The following TMEM50B variants were observed in gnomAD, a reference collection of about 807,000 sequenced individuals.
TMEM50B encodes the protein HCV p7-trans-regulated protein 3.
A neutral mutation model predicts 23.4 loss-of-function variants in TMEM50B; 14 were observed. The observed-to-expected ratio is 0.60, with a 90% CI of 0.39 to 0.93. TMEM50B has a LOEUF of 0.93. Among genes scored for constraint, TMEM50B ranks in the 40% least tolerant of loss-of-function variants. The pLI, the probability that TMEM50B is intolerant of heterozygous loss-of-function variation, is 0.00. For synonymous variants in TMEM50B, 64 were observed against 62.3 expected (o/e 1.03, Z -0.13); for missense variants, 159 against 193.0 (o/e 0.82, Z 1.04).
intron 8 of TMEM50B, among the ~76,000 whole-genome samples, chr21:33,434,973 T>A (rs1018783340): frequency 6.6e-6 from 1 of 152,082 alleles, no homozygotes; most frequent in African/African-American, 2.4e-5. Context: ...CCGCCAAAGG[T>A]CTCTGAGTTA....
At chr21:33,474,420 A>G (rs995650461) in intron 1 of TMEM50B, among the ~76,000 whole-genome samples, 1 of 151,520 alleles carries the variant, frequency 6.6e-6, no homozygotes, top group African/African-American at 2.4e-5. Flanking sequence ...AACCTGCGCT[A>G]AGAAAGAAAT....
intron 8 of TMEM50B, chr21:33,436,992 C>T: frequency 2.5e-6 from 4 of 1,612,726 alleles, no homozygotes; most frequent in Non-Finnish European, 3.4e-6. Flanking sequence ...CCACTGGCTC[C>T]CTGGAAGAGA....
At chr21:33,479,096 G>A in intron 1 of TMEM50B, 1 of 281,146 alleles carries the variant, frequency 3.6e-6, no homozygotes, top group Non-Finnish European at 7.1e-6. Context: ...GTTTTGAAAG[G>A]TCACGTATTT....
intron 5 of TMEM50B, among the ~76,000 whole-genome samples, chr21:33,459,753 T>C (rs2084201539): frequency 6.6e-6 from 1 of 151,972 alleles, no homozygotes; most frequent in Non-Finnish European, 1.5e-5. Context: ...ATCCATAGAT[T>C]ATCAGATAAG....
At chr21:33,467,482 G>A (rs2123448236) in intron 2 of TMEM50B, among the ~76,000 whole-genome samples, 1 of 152,304 alleles carries the variant, frequency 6.6e-6, no homozygotes, top group East Asian at 1.9e-4. Context: ...AAATTAGCTG[G>A]GCATGGTGGC....
chr21:33,452,135 T>C (rs534831613), intron 6 of TMEM50B, among the ~76,000 whole-genome samples: 1 of 152,368 alleles, frequency 6.6e-6, no homozygotes, highest in East Asian at 1.9e-4. Flanking sequence ...GAACTTAATC[T>C]CTAAAGACTG....
Position 33,450,348 on chromosome 21 carries a change from C to A in TMEM50B, c.*470G>T, listed in dbSNP as rs1267975910. On this transcript the variant is annotated 3_prime_UTR_variant, in exon 7 of 7. Coordinates refer to ENST00000542230, the MANE Select transcript of TMEM50B (RefSeq NM_006134.7). ...AGGTAGTTGGGATTACAGGCACCCA[C>A]CACCATGCCTGGCTAATTTTTGTAT... 2.6e-5 allele frequency: 4 copies of A among 152,554 alleles called. No individual in the cohort carries two copies. The highest frequency in any genetic ancestry group is 5.9e-5 in the Non-Finnish European group (4 of 68,320). The allele number at this position is 152,554 out of a possible 1,614,324, so 9.5% of individuals were successfully genotyped here. A position where few individuals can be genotyped will look rare whatever the true frequency, so the allele number is the denominator to read the frequency against.
rs958421832 is a variant in TMEM50B at position 33,449,369 on chromosome 21, T to C, written c.*1449A>G. The C allele has an allele frequency of 6.6e-6, 1 of 152,572 alleles. No individual in the cohort carries two copies. The highest frequency in any genetic ancestry group is 1.5e-5 in the Non-Finnish European group (1 of 68,042). The allele number at this position is 152,572 out of a possible 1,614,324, so 9.5% of individuals were successfully genotyped here. A position where few individuals can be genotyped will look rare whatever the true frequency, so the allele number is the denominator to read the frequency against. Reference sequence around the variant, plus strand: ...GAGAGAGGAGAGGAGTGATGCCAAATGGGCTTACATTAGAGCCGTGGACAC... The same window carrying C: ...GAGAGAGGAGAGGAGTGATGCCAAACGGGCTTACATTAGAGCCGTGGACAC... On this transcript the variant is annotated 3_prime_UTR_variant, in exon 7 of 7. Coordinates refer to ENST00000542230, the MANE Select transcript of TMEM50B (RefSeq NM_006134.7).
At chr21:33,476,025 G>A (rs1349070874) in intron 1 of TMEM50B, among the ~76,000 whole-genome samples, 8 of 152,190 alleles carry the variant, frequency 5.3e-5, no homozygotes, top group Non-Finnish European at 7.3e-5. Flanking sequence ...ACACCACTTC[G>A]TGGTAAGAAG....
At chr21:33,440,162 C>T (rs1483329891) in intron 7 of TMEM50B, among the ~76,000 whole-genome samples, 1 of 152,240 alleles carries the variant, frequency 6.6e-6, no homozygotes, top group Non-Finnish European at 1.5e-5. Flanking sequence ...AGCCCATTCC[C>T]TGTTTTTGTA....
intron 7 of TMEM50B, among the ~76,000 whole-genome samples, chr21:33,441,125 G>T (rs1393143083): frequency 6.6e-6 from 1 of 151,994 alleles, no homozygotes; most frequent in Non-Finnish European, 1.5e-5. Context: ...AGCTATTCAG[G>T]AGGCTGAGGC....
At chr21:33,447,449 C>T (rs2084072710), downstream of TMEM50B, among the ~76,000 whole-genome samples, 2 of 152,018 alleles carry the variant, frequency 1.3e-5, no homozygotes, top group African/African-American at 2.4e-5. Context: ...GTAAAAAGGA[C>T]TCCATAAAAA....
intron 7 of TMEM50B, among the ~76,000 whole-genome samples, chr21:33,443,898 T>TG (rs11404075): frequency 0.54 from 73,291 of 136,040 alleles, 20,594 homozygotes; most frequent in East Asian, 0.82. Context: ...TGTGGTTTTT[T>TG]TTTGTTTGTT....
Position 33,450,158 on chromosome 21 carries a change from C to T in TMEM50B, c.*660G>A, listed in dbSNP as rs1321614413. ...CAGTGCTCATTCTAGATATATGAAG[C>T]TATATTTTTTTGTACATCTTCAGAA... is the stretch of plus-strand genomic sequence containing the variant. On this transcript the variant is annotated 3_prime_UTR_variant, in exon 7 of 7. Transcript: ENST00000542230. 1 of 151,136 alleles carries T rather than the reference C, an allele frequency of 6.6e-6. No homozygotes were observed. Among genetic ancestry groups the T allele is most frequent in the African/African-American group, 2.4e-5 (1 of 41,126 alleles). The allele number at this position is 151,136 out of a possible 1,614,324, so 9.4% of individuals were successfully genotyped here.
chr21:33,438,792 C>G (rs183101931), intron 8 of TMEM50B, among the ~76,000 whole-genome samples: 1 of 151,886 alleles, frequency 6.6e-6, no homozygotes, highest in African/African-American at 2.4e-5. Context: ...CGCAGTGGCG[C>G]GATCTCAGCT....
intron 3 of TMEM50B, 137 bp from the exon 4 acceptor site, chr21:33,465,546 C>A: frequency 1.6e-6 from 1 of 615,290 alleles, no homozygotes; most frequent in South Asian, 3.1e-5. Context: ...TATTTTTAAC[C>A]TAATAAAAAT....
chr21:33,454,678 C>T (rs557481522), intron 6 of TMEM50B, among the ~76,000 whole-genome samples: 3 of 150,716 alleles, frequency 2.0e-5, no homozygotes, highest in Admixed American at 6.6e-5. Context: ...TTTTTTTTTT[C>T]CCGAAAGGCT....
intron 6 of TMEM50B, 25 bp from the exon 7 acceptor site, chr21:33,450,888 T>C (rs1415226433): frequency 1.2e-6 from 2 of 1,606,780 alleles, no homozygotes; most frequent in Non-Finnish European, 1.7e-6. Context: ...AAACAAATCA[T>C]GAGGAAAAAA....
exon 9 of TMEM50B, chr21:33,432,673 G>T: frequency 6.2e-7 from 1 of 1,605,610 alleles, no homozygotes; most frequent in Non-Finnish European, 8.5e-7. Flanking sequence ...TGTGTTGTGC[G>T]TAGGAAGATC....
Sources: allele counts gnomAD v4.1 joint callset (sites outside exome capture counted in the v4.1 genomes callset), GRCh38; gene constraint gnomAD v4.1.1; transcripts MANE v1.5; gene names NCBI Gene and HGNC (gene_info 2026-07-23, HGNC 2026-07-21).